The following JPH3 variants were observed in gnomAD, a reference collection of about 807,000 sequenced individuals.
JPH3 encodes junctophilin 3.
In JPH3, 11 loss-of-function variants were observed where a neutral mutation model predicts 59.6. The observed-to-expected ratio is 0.18, with a 90% CI of 0.12 to 0.31. The LOEUF (loss-of-function observed/expected upper bound fraction) is 0.31, where lower values mean the gene tolerates loss of function less well. Ranked by LOEUF, JPH3 falls within the 10% of genes least tolerant of loss-of-function variation. The pLI, the probability that JPH3 is intolerant of heterozygous loss-of-function variation, is 1.00. For synonymous variants in JPH3, 673 were observed against 483.6 expected (o/e 1.39, Z -5.14); for missense variants, 1,202 against 1,105.7 (o/e 1.09, Z -1.24).
At chr16:87,663,289 G>T (rs1223664543) in intron 2 of JPH3, among the ~76,000 whole-genome samples, 2 of 152,180 alleles carry the variant, frequency 1.3e-5, no homozygotes, top group Admixed American at 1.3e-4. Context: ...TGTATCTTTA[G>T]TAGAGACAAG....
In JPH3 at chr16:87,683,947, G is replaced by T; in HGVS notation, c.1161-195G>T. 2 of 588,516 alleles carry T rather than the reference G, an allele frequency of 3.4e-6. 1 individual carries two copies. The highest frequency in any genetic ancestry group is 4.0e-5 in the South Asian group (2 of 50,216). The allele number at this position is 588,516 out of a possible 1,614,324, so 36.5% of individuals were successfully genotyped here. A position where few individuals can be genotyped will look rare whatever the true frequency, so the allele number is the denominator to read the frequency against. On this transcript the variant is annotated intron_variant, in intron 2 of 4. Transcript: ENST00000284262. ...CATGTCCTGTGCACTGGGCCTGGTTGGTTGATGCTCAGTGATGTTTATTGA... is the reference window on the plus strand; with the variant it reads ...CATGTCCTGTGCACTGGGCCTGGTTTGTTGATGCTCAGTGATGTTTATTGA...
rs1330408545 is a variant in JPH3, at chr16:87,644,507, A to G, written c.632A>G (p.Lys211Arg). 4.3e-6 allele frequency: 7 copies of G among 1,612,758 alleles called. No individual in the cohort carries two copies. The highest frequency in any genetic ancestry group is 5.9e-6 in the Non-Finnish European group (7 of 1,179,846). Residue 211 changes from lysine to arginine, a missense_variant, in exon 2 of 5, where the codon AAG becomes AGG. Coordinates refer to ENST00000284262, the MANE Select transcript of JPH3 (RefSeq NM_020655.4). ...GACTCCGAGATCCTCAAGAGCAAGA[A>G]GAAGGGGCTGTTTCGGCGCTCGCTG... ...HSDSEILKSKKKGLFRRSLLS... is the reference protein window; with the variant it reads ...HSDSEILKSKRKGLFRRSLLS...
intron 3 of JPH3, among the ~76,000 whole-genome samples, chr16:87,684,711 C>A (rs1366520): frequency 4.6e-5 from 7 of 152,070 alleles, no homozygotes; most frequent in Admixed American, 2.6e-4. Context: ...ACTAACTTAC[C>A]ATTAAACACA....
At chr16:87,678,043 T>A (rs1023503386) in intron 2 of JPH3, among the ~76,000 whole-genome samples, 22 of 152,120 alleles carry the variant, frequency 1.4e-4, no homozygotes, top group African/African-American at 5.1e-4. Flanking sequence ...CTTGAGGCCA[T>A]GAGTTCGGAA....
intron 1 of JPH3, among the ~76,000 whole-genome samples, chr16:87,627,208 C>T (rs2031409947): frequency 6.6e-6 from 1 of 152,120 alleles, no homozygotes; most frequent in East Asian, 1.9e-4. Context: ...AGCATTAGGG[C>T]CCCTGGAGGT....
At position 87,697,397 on chromosome 16, in the gene JPH3, C is replaced by T. The variant is rs370206365; in HGVS notation, c.*737C>T. On this transcript the variant is annotated 3_prime_UTR_variant, in exon 5 of 5. Transcript: ENST00000284262. ...GTGGGTCCCATTCGGCTGTTTCCCCCACCAGACCCCAGGGAAGCCGGGGCC... is the reference window on the plus strand; with the variant it reads ...GTGGGTCCCATTCGGCTGTTTCCCCTACCAGACCCCAGGGAAGCCGGGGCC... The T allele has an allele frequency of 9.2e-5, 14 of 152,508 alleles. 1 individual carries two copies. Among genetic ancestry groups the T allele is most frequent in the African/African-American group, 3.1e-4 (13 of 41,582 alleles). The allele number at this position is 152,508 out of a possible 1,614,324, so 9.4% of individuals were successfully genotyped here. A position where few individuals can be genotyped will look rare whatever the true frequency, so the allele number is the denominator to read the frequency against.
At chr16:87,663,140 G>A (rs546686354) in intron 2 of JPH3, among the ~76,000 whole-genome samples, 10 of 141,930 alleles carry the variant, frequency 7.0e-5, no homozygotes, top group African/African-American at 1.3e-4. Context: ...ATGGAGTCGC[G>A]CCCTGTCACC....
chr16:87,679,846 C>T (rs1420032165), intron 2 of JPH3, among the ~76,000 whole-genome samples: 1 of 152,270 alleles, frequency 6.6e-6, no homozygotes, highest in Non-Finnish European at 1.5e-5. Context: ...TCCCTCCCTG[C>T]CCATGGCCCT....
chr16:87,648,107 T>C (rs1334641666), intron 2 of JPH3, among the ~76,000 whole-genome samples: 1 of 152,182 alleles, frequency 6.6e-6, no homozygotes, highest in East Asian at 1.9e-4. Flanking sequence ...CAGGTGTGTT[T>C]GTGAGCTCAC....
intron 2 of JPH3, among the ~76,000 whole-genome samples, chr16:87,668,378 G>A (rs979816047): frequency 4.6e-5 from 7 of 152,142 alleles, no homozygotes; most frequent in Admixed American, 2.6e-4. Context: ...TCACCTCTCC[G>A]CAGACGCCCT....
intron 1 of JPH3, among the ~76,000 whole-genome samples, chr16:87,638,276 C>T (rs1201136797): frequency 6.6e-6 from 1 of 152,146 alleles, no homozygotes; most frequent in Non-Finnish European, 1.5e-5. Flanking sequence ...CCCAGGCTGG[C>T]TTTGAACTCC....
intron 1 of JPH3, among the ~76,000 whole-genome samples, chr16:87,622,861 C>G (rs1291820769): frequency 6.6e-6 from 1 of 152,178 alleles, no homozygotes; most frequent in Non-Finnish European, 1.5e-5. Flanking sequence ...TGCCCCAACT[C>G]AGCCTCTGGT....
At chr16:87,689,068 G>C (rs556410430) in intron 3 of JPH3, among the ~76,000 whole-genome samples, 3 of 152,124 alleles carry the variant, frequency 2.0e-5, no homozygotes, top group Non-Finnish European at 2.9e-5. Context: ...CTCCCCTTCC[G>C]GGGAGCCCCG....
intron 2 of JPH3, among the ~76,000 whole-genome samples, chr16:87,659,387 G>GA (rs751075403): frequency 1.0e-4 from 7 of 68,584 alleles, no homozygotes; most frequent in South Asian, 7.5e-4. Context: ...AAAAAAAAAA[G>GA]AAAAAAAAAA....
chr16:87,625,867 C>T (rs1414336011), intron 1 of JPH3, among the ~76,000 whole-genome samples: 1 of 151,856 alleles, frequency 6.6e-6, no homozygotes, highest in Non-Finnish European at 1.5e-5. Context: ...GCATGTTCAC[C>T]CCATACCCTC....
At chr16:87,614,178 T>TCC in intron 1 of JPH3, among the ~76,000 whole-genome samples, 1 of 152,122 alleles carries the variant, frequency 6.6e-6, no homozygotes. Flanking sequence ...TAAAAGCAGG[T>TCC]CCCTGCAGAT....
At chr16:87,655,360 A>AT (rs555846126) in intron 2 of JPH3, among the ~76,000 whole-genome samples, 22 of 83,784 alleles carry the variant, frequency 2.6e-4, no homozygotes, top group African/African-American at 1.0e-3. Context: ...ACAGGGTGTT[A>AT]TTTTTTGTGA....
chr16:87,603,029 GTCC>G lies in JPH3; in HGVS notation c.-112_-110del. 4 of 1,343,990 alleles carry G rather than the reference GTCC, an allele frequency of 3.0e-6. No individual in the cohort carries two copies. Among genetic ancestry groups the G allele is most frequent in the Non-Finnish European group, 4.0e-6 (4 of 991,502 alleles). The allele number at this position is 1,343,990 out of a possible 1,614,324, so 83.3% of individuals were successfully genotyped here. A position where few individuals can be genotyped will look rare whatever the true frequency, so the allele number is the denominator to read the frequency against. On this transcript the variant is annotated 5_prime_UTR_variant, in exon 1 of 5. Transcript: ENST00000284262. ...GCCCGAGACCGCGCTCCGGGGCCGC[GTCC>G]TCCTCTCCTCCGGAAAACGCTCGCG... is the stretch of plus-strand genomic sequence containing the variant.
chr16:87,661,857 C>T (rs1480013042), intron 2 of JPH3, among the ~76,000 whole-genome samples: 1 of 152,244 alleles, frequency 6.6e-6, no homozygotes, highest in Non-Finnish European at 1.5e-5. Flanking sequence ...AAGCCAGGGC[C>T]TTGGCCCCCA....
Sources: allele counts gnomAD v4.1 joint callset (sites outside exome capture counted in the v4.1 genomes callset), GRCh38; gene constraint gnomAD v4.1.1; transcripts MANE v1.5; gene names NCBI Gene and HGNC (gene_info 2026-07-23, HGNC 2026-07-21).